Variants in SGIP1 observed in about 807,000 individuals in gnomAD.
The protein encoded by SGIP1 is SH3-containing GRB2-like protein 3-interacting protein 1.
A neutral mutation model predicts 107.5 loss-of-function variants in SGIP1; 38 were observed. That is an observed-to-expected ratio of 0.35 (90% CI 0.27 to 0.46). The LOEUF is 0.46. SGIP1 is among the 20% of genes least tolerant of loss of function. The pLI is 1.00. For missense variants in SGIP1, 929 were observed against 1,019.5 expected (o/e 0.91, Z 1.21); for synonymous variants, 365 against 366.1 (o/e 1.00, Z 0.03).
chr1:66,614,577 T>C (rs1483803261), intron 1 of SGIP1, among the ~76,000 whole-genome samples: 2 of 152,176 alleles, frequency 1.3e-5, no homozygotes, highest in East Asian at 3.8e-4. Context: ...TGATGGCTGA[T>C]TTTTTCAAAA....
Position 66,679,539 on chromosome 1 carries a change from A to G in SGIP1, c.740-139A>G. On this transcript the variant is annotated intron_variant, in intron 13 of 24. Transcript: ENST00000371037. ...CCTCAGTTCTTTGGCTTTGAACTTC[A>G]AAGAAGTAGACCATTAATTGCTATT... The G allele has an allele frequency of 3.4e-6, 3 of 881,384 alleles. No individual in the cohort carries two copies. The South Asian group carries it at 5.1e-5, about 15-fold the overall frequency. 54.6% of individuals were successfully genotyped at this position (881,384 alleles called of 1,614,324 possible).
intron 20 of SGIP1, among the ~76,000 whole-genome samples, chr1:66,732,087 T>C (rs1473105844): frequency 6.6e-6 from 1 of 152,206 alleles, no homozygotes; most frequent in Non-Finnish European, 1.5e-5. Flanking sequence ...ATTTTGCTAT[T>C]AATCTCAGCA....
intron 14 of SGIP1, among the ~76,000 whole-genome samples, chr1:66,681,422 C>T (rs2086666919): frequency 6.6e-6 from 1 of 152,172 alleles, no homozygotes; most frequent in Admixed American, 6.5e-5. Context: ...CCAACTTTGA[C>T]TTCTCAATTC....
intron 8 of SGIP1, among the ~76,000 whole-genome samples, chr1:66,664,644 C>A (rs1024479710): frequency 2.0e-5 from 3 of 152,178 alleles, no homozygotes; most frequent in African/African-American, 7.2e-5. Context: ...ATGTAAAAAG[C>A]TACAAGTTTT....
chr1:66,656,339 T>C (rs989114695), intron 7 of SGIP1, among the ~76,000 whole-genome samples: 2 of 152,224 alleles, frequency 1.3e-5, no homozygotes, highest in African/African-American at 4.8e-5. Context: ...GTTTTACAGT[T>C]AGTTAACTTG....
At chr1:66,671,598 G>A (rs2083823152) in intron 10 of SGIP1, among the ~76,000 whole-genome samples, 1 of 152,110 alleles carries the variant, frequency 6.6e-6, no homozygotes, top group Admixed American at 6.6e-5. Context: ...ATATGGCCTG[G>A]CTTAGTATTC....
chr1:66,577,794 G>A (rs1436461122), intron 1 of SGIP1, among the ~76,000 whole-genome samples: 1 of 130,942 alleles, frequency 7.6e-6, no homozygotes, highest in Non-Finnish European at 1.6e-5. Flanking sequence ...GTGTGTGTGT[G>A]TGTGTGTTGC....
rs528270570 is a variant in SGIP1, at chr1:66,645,033, T to C, written c.459+1314T>C. On this transcript the variant is annotated intron_variant, in intron 7 of 24. Transcript: ENST00000371037. ...TGGCATCTTTCAAATTATTTTTCAC[T>C]TACTGAATAATATTTTTTACTGAAA... Among the ~76,000 whole-genome samples the C allele has an allele frequency of 3.9e-5, 6 of 152,350 alleles. No homozygotes were observed. The South Asian group carries it at 1.0e-3, about 26-fold the overall frequency.
chr1:66,612,234 G>C (rs185827069), intron 1 of SGIP1, among the ~76,000 whole-genome samples: 11 of 152,278 alleles, frequency 7.2e-5, no homozygotes, highest in Non-Finnish European at 1.5e-4. Flanking sequence ...AATTAACAGA[G>C]TGAAAACTCA....
intron 18 of SGIP1, among the ~76,000 whole-genome samples, chr1:66,711,209 C>A (rs925025607): frequency 6.6e-6 from 1 of 152,028 alleles, no homozygotes; most frequent in African/African-American, 2.4e-5. Flanking sequence ...TTTAAAGTAC[C>A]TTAATTGTTA....
At chr1:66,574,887 T>C (rs1015710063) in intron 1 of SGIP1, among the ~76,000 whole-genome samples, 9 of 152,200 alleles carry the variant, frequency 5.9e-5, no homozygotes, top group African/African-American at 2.2e-4. Flanking sequence ...AGAGATTATG[T>C]CCCTCTGATA....
At chr1:66,615,903 T>A (rs552602085) in intron 1 of SGIP1, 1 of 152,220 alleles carries the variant, frequency 6.6e-6, no homozygotes, top group East Asian at 1.9e-4. Context: ...TTTAAAGTAT[T>A]CTCCTTCATG....
At chr1:66,677,118 T>C (rs1400759177) in intron 13 of SGIP1, 22 bp downstream of exon 13, 2 of 1,588,420 alleles carry the variant, frequency 1.3e-6, no homozygotes, top group Non-Finnish European at 1.7e-6. Flanking sequence ...GTCTGCTCTG[T>C]CTGGAAAAAT....
At chr1:66,632,366 T>C (rs2074942684) in intron 2 of SGIP1, among the ~76,000 whole-genome samples, 1 of 152,122 alleles carries the variant, frequency 6.6e-6, no homozygotes, top group African/African-American at 2.4e-5. Context: ...TCTTCTATAA[T>C]GGAAGGAGAG....
chr1:66,726,929 C>T (rs1449139784), intron 19 of SGIP1, among the ~76,000 whole-genome samples: 4 of 151,988 alleles, frequency 2.6e-5, no homozygotes, highest in Admixed American at 6.5e-5. Flanking sequence ...TATGCTCACA[C>T]GACTGCACTC....
intron 1 of SGIP1, among the ~76,000 whole-genome samples, chr1:66,563,504 G>A (rs766782684): frequency 2.0e-5 from 3 of 152,014 alleles, no homozygotes; most frequent in Non-Finnish European, 4.4e-5. Context: ...CTGTGACCCT[G>A]GCTCTCCATC....
chr1:66,638,309 A>G (rs2076170037), intron 4 of SGIP1, among the ~76,000 whole-genome samples: 1 of 152,210 alleles, frequency 6.6e-6, no homozygotes, highest in Non-Finnish European at 1.5e-5. Context: ...CCAGTTCTCA[A>G]CAGTGGCTTC....
At chr1:66,694,477 T>C in intron 17 of SGIP1, 1 of 1,607,720 alleles carries the variant, frequency 6.2e-7, no homozygotes, top group Non-Finnish European at 8.5e-7. Flanking sequence ...ACTGCCCTCG[T>C]TTGAAAGGCG....
rs1404924580 is a variant in SGIP1, at chr1:66,633,159, CA to C, written c.99+68del. 15 of 1,116,394 alleles carry C rather than the reference CA, an allele frequency of 1.3e-5. No homozygotes were observed. The East Asian group carries it at 3.3e-4, about 25-fold the overall frequency. The allele number at this position is 1,116,394 out of a possible 1,614,324, so 69.2% of individuals were successfully genotyped here. ...CAATATATGCTATGTTTAAATTTCTCAAAGCCCTTTTTTTTTCCTGTAGGGA... is the reference window on the plus strand; with the variant it reads ...CAATATATGCTATGTTTAAATTTCTCAAGCCCTTTTTTTTTCCTGTAGGGA... On this transcript the variant is annotated intron_variant, in intron 3 of 24. Transcript: ENST00000371037.
Sources: gnomAD v4.1 joint callset for allele counts (sites outside exome capture counted in the v4.1 genomes callset) on GRCh38, gnomAD v4.1.1 for gene constraint, MANE v1.5 for transcripts, NCBI Gene and HGNC (gene_info 2026-07-23, HGNC 2026-07-21) for gene names.